NRBP1: variants seen among roughly 807,000 people sequenced by gnomAD.
The protein encoded by NRBP1 is nuclear receptor-binding protein.
Under a neutral mutation model 76.0 loss-of-function variants are expected in NRBP1, and 10 were observed. That is an observed-to-expected ratio of 0.13 (90% CI 0.08 to 0.22). The LOEUF is 0.22. Ranked by LOEUF, NRBP1 falls within the 10% of genes least tolerant of loss-of-function variation. The pLI, the probability that NRBP1 is intolerant of heterozygous loss-of-function variation, is 1.00. For missense variants in NRBP1, 344 were observed against 646.0 expected (o/e 0.53, Z 5.07); for synonymous variants, 235 against 240.2 (o/e 0.98, Z 0.20).
intron 10 of NRBP1, 120 bp downstream of exon 10, chr2:27,437,480 G>A (rs1441309458): frequency 1.5e-5 from 11 of 721,594 alleles, no homozygotes; most frequent in Admixed American, 1.4e-4. Flanking sequence ...GAAAGGACAC[G>A]AAAAATCTAT....
chr2:27,438,014 C>G (rs1257707061), intron 10 of NRBP1, among the ~76,000 whole-genome samples: 1 of 152,034 alleles, frequency 6.6e-6, no homozygotes, highest in African/African-American at 2.4e-5. Flanking sequence ...TGGTGAAACC[C>G]TGTCTCTACT....
chr2:27,439,717 A>C (rs1664452035), intron 10 of NRBP1, 49 bp from the exon 11 acceptor site: 2 of 1,610,564 alleles, frequency 1.2e-6, no homozygotes, highest in Non-Finnish European at 1.7e-6. Flanking sequence ...AGATGAACAC[A>C]CTGGGGGCTT....
At chr2:27,436,014 C>T in intron 7 of NRBP1, 1 of 571,202 alleles carries the variant, frequency 1.8e-6, no homozygotes, top group Non-Finnish European at 3.1e-6. Flanking sequence ...TCATACTGTG[C>T]TCCCAGATTC....
chr2:27,434,813 C>G (rs1558335696), intron 6 of NRBP1, 51 bp downstream of exon 6: 2 of 1,556,540 alleles, frequency 1.3e-6, no homozygotes, highest in Admixed American at 1.7e-5. Flanking sequence ...TGTAGTTACT[C>G]CAAACAGATT....
rs1212019331 is a variant in NRBP1, at chr2:27,433,305, G to A, written c.32G>A (p.Ser11Asn). 6.2e-7 allele frequency: 1 copy of A among 1,614,112 alleles called. No individual in the cohort carries two copies. The highest frequency in any genetic ancestry group is 8.5e-7 in the Non-Finnish European group (1 of 1,180,028). MSEGESQTVL[S>N]SGSDPKVESS... ...GAGGGGGAGTCCCAGACAGTACTTA[G>A]CAGTGGCTCAGACCCAAAGGTAGAA... Residue 11 changes from serine to asparagine, a missense_variant, in exon 2 of 18, where the codon AGC becomes AAC. This residue lies in a region of NRBP1 where 53 missense variants were observed against 48.4 expected (regional missense o/e 1.09). Transcript: ENST00000379852.
rs997064024 is a variant in NRBP1, at chr2:27,442,099, C to T, written c.*287C>T. 4 of 532,784 alleles carry T rather than the reference C, an allele frequency of 7.5e-6. No homozygotes were observed. The highest frequency in any genetic ancestry group is 1.3e-5 in the Non-Finnish European group (4 of 304,590). 33.0% of individuals were successfully genotyped at this position (532,784 alleles called of 1,614,324 possible). A position where few individuals can be genotyped will look rare whatever the true frequency, so the allele number is the denominator to read the frequency against. On this transcript the variant is annotated 3_prime_UTR_variant, in exon 18 of 18. Coordinates refer to ENST00000379852, the MANE Select transcript of NRBP1 (RefSeq NM_013392.4). ...GCTGATCTGCCGGCTCCCGCCCAGCCTGTGTGGAAAGGAGGCCCACGGGCA... is the reference window on the plus strand; with the variant it reads ...GCTGATCTGCCGGCTCCCGCCCAGCTTGTGTGGAAAGGAGGCCCACGGGCA...
chr2:27,441,589 G>A lies in NRBP1; in HGVS notation c.1470G>A (p.Ala490=), dbSNP rs1297463976. 1.6e-5 allele frequency: 26 copies of A among 1,613,892 alleles called. No individual in the cohort carries two copies. Among genetic ancestry groups the A allele is most frequent in the Admixed American group, 3.3e-5 (2 of 59,974 alleles). ...LMPNENIPEL[A]AELVQLGFIS... is the part of the protein sequence containing the mutation. ...CAGATGAGAATATCCCCGAGTTGGC[G>A]GCTGAGCTGGTGCAGCTGGGCTTCA... Residue 490 remains alanine, a synonymous_variant, in exon 17 of 18, where the codon GCG becomes GCA. Transcript: ENST00000379852.
intron 1 of NRBP1, among the ~76,000 whole-genome samples, chr2:27,429,656 T>C (rs1336299963): frequency 2.0e-5 from 3 of 152,004 alleles, no homozygotes; most frequent in African/African-American, 4.8e-5. Flanking sequence ...TGCTGGAGAA[T>C]CTTGGGCACT....
In NRBP1 at chr2:27,442,049, G is replaced by T. The variant is rs1162563403; in HGVS notation, c.*237G>T. On this transcript the variant is annotated 3_prime_UTR_variant, in exon 18 of 18. Coordinates refer to ENST00000379852, the MANE Select transcript of NRBP1 (RefSeq NM_013392.4). Reference sequence around the variant, plus strand: ...GACGTGGGCCTGGGCCTTCTCAGCAGCCGCCTTCTAGTTGGGGGCTAGTCG... The same window carrying T: ...GACGTGGGCCTGGGCCTTCTCAGCATCCGCCTTCTAGTTGGGGGCTAGTCG... 3.7e-6 allele frequency: 2 copies of T among 535,456 alleles called. No homozygotes were observed. Among genetic ancestry groups the T allele is most frequent in the East Asian group, 6.2e-5 (2 of 32,514 alleles). 33.2% of individuals were successfully genotyped at this position (535,456 alleles called of 1,614,324 possible). A position where few individuals can be genotyped will look rare whatever the true frequency, so the allele number is the denominator to read the frequency against.
Position 27,440,296 on chromosome 2 carries a change from A to C in NRBP1, c.1037-107A>C, listed in dbSNP as rs1664485250. The stretch of plus-strand genomic sequence containing the variant: ...AGTGCTGGGATTACAGGCATGAGCC[A>C]CTGTGCCAGGCCTCCAAAGGGATTC... On this transcript the variant is annotated intron_variant, in intron 11 of 17. Coordinates refer to ENST00000379852, the MANE Select transcript of NRBP1 (RefSeq NM_013392.4). The C allele has an allele frequency of 5.1e-6, 4 of 788,548 alleles. No individual in the cohort carries two copies. The Admixed American group carries it at 6.0e-5, about 12-fold the overall frequency. The allele number at this position is 788,548 out of a possible 1,614,324, so 48.8% of individuals were successfully genotyped here. A position where few individuals can be genotyped will look rare whatever the true frequency, so the allele number is the denominator to read the frequency against.
At chr2:27,436,946 T>A in intron 8 of NRBP1, 101 bp from the exon 9 acceptor site, 1 of 1,453,902 alleles carries the variant, frequency 6.9e-7, no homozygotes, top group Non-Finnish European at 9.5e-7. Context: ...TCTACCAGCA[T>A]ACAAAATATT....
At chr2:27,439,991 GATTC>G in intron 11 of NRBP1, 93 bp downstream of exon 11, 3 of 356,800 alleles carry the variant, frequency 8.4e-6, no homozygotes, top group South Asian at 3.7e-5. Context: ...TTTCCAAAGG[GATTC>G]TTTTTTTTTT....
chr2:27,434,405 A>T, intron 4 of NRBP1, 66 bp from the exon 5 acceptor site: 1 of 1,144,494 alleles, frequency 8.7e-7, no homozygotes. Flanking sequence ...CAAATTTAAA[A>T]TATGTTAACA....
At chr2:27,434,836 T>A in intron 6 of NRBP1, 74 bp downstream of exon 6, 1 of 1,418,778 alleles carries the variant, frequency 7.0e-7, no homozygotes, top group Non-Finnish European at 1.0e-6. Context: ...AGGGCACTAC[T>A]CTTCTGTTCT....
Position 27,440,245 on chromosome 2 carries a change from G to A in NRBP1, c.1037-158G>A, listed in dbSNP as rs906655548. 5 of 619,460 alleles carry A rather than the reference G, an allele frequency of 8.1e-6. No homozygotes were observed. In the Admixed American group the frequency reaches 1.4e-4, roughly 18 times the overall value. 38.4% of individuals were successfully genotyped at this position (619,460 alleles called of 1,614,324 possible). A position where few individuals can be genotyped will look rare whatever the true frequency, so the allele number is the denominator to read the frequency against. On this transcript the variant is annotated intron_variant, in intron 11 of 17. Coordinates refer to ENST00000379852, the MANE Select transcript of NRBP1 (RefSeq NM_013392.4). ...CAGGCTGGTCTTGAACTGGCGTCAA[G>A]TGATCTGTCCGCCTCGGCTTCCCAA...
chr2:27,441,425 C>A, intron 16 of NRBP1, 95 bp downstream of exon 16: 1 of 1,406,826 alleles, frequency 7.1e-7, no homozygotes, highest in Non-Finnish European at 1.0e-6. Context: ...GGCAGTAACA[C>A]ATTGACTCAC....
At chr2:27,430,916 C>A (rs1040944379) in intron 1 of NRBP1, among the ~76,000 whole-genome samples, 1 of 152,198 alleles carries the variant, frequency 6.6e-6, no homozygotes, top group Non-Finnish European at 1.5e-5. Flanking sequence ...CTCAATAATT[C>A]TTTTTCTTCA....
intron 1 of NRBP1, among the ~76,000 whole-genome samples, chr2:27,430,478 T>C (rs112434982): frequency 0.03 from 4,088 of 137,876 alleles, 141 homozygotes; most frequent in African/African-American, 0.1. Context: ...TCTTTTTTTT[T>C]TTTTTTTTGA....
intron 10 of NRBP1, 121 bp downstream of exon 10, chr2:27,437,481 A>G: frequency 4.2e-6 from 3 of 709,480 alleles, no homozygotes; most frequent in African/African-American, 1.8e-5. Context: ...AAAGGACACG[A>G]AAAATCTATA....
Sources: gnomAD v4.1 joint callset for allele counts (sites outside exome capture counted in the v4.1 genomes callset) on GRCh38, gnomAD v4.1.1 for gene constraint, gnomAD v4.1.1 regional missense constraint, MANE v1.5 for transcripts, NCBI Gene and HGNC (gene_info 2026-07-23, HGNC 2026-07-21) for gene names.